The following CHST11 variants were observed in gnomAD, a reference collection of about 807,000 sequenced individuals.
CHST11 encodes carbohydrate sulfotransferase 11.
A neutral mutation model predicts 30.4 loss-of-function variants in CHST11; 9 were observed. The observed-to-expected ratio is 0.30, with a 90% confidence interval of 0.18 to 0.52. The LOEUF (loss-of-function observed/expected upper bound fraction) is 0.52. CHST11 is among the 20% of genes least tolerant of loss of function. The probability of loss-of-function intolerance (pLI) is 0.97; values close to 1 mark genes in which losing one functional copy is unlikely to be tolerated. For synonymous variants in CHST11, 152 were observed against 187.8 expected (o/e 0.81, Z 1.56); for missense variants, 348 against 460.6 (o/e 0.76, Z 2.24).
At position 104,476,357 on chromosome 12, in the gene CHST11, A is replaced by C. The variant is rs374331431; in HGVS notation, c.118+18828A>C. ...ATATACACATATATGTAAGATATGT[A>C]ATATATGTGTGTATATATATTTACA... On this transcript the variant is annotated intron_variant, in intron 1 of 2. Coordinates refer to ENST00000303694, the MANE Select transcript of CHST11 (RefSeq NM_018413.6). 1.3e-4 allele frequency among the ~76,000 whole-genome samples: 19 copies of C among 151,632 alleles called. No homozygotes were observed. In the East Asian group the frequency reaches 3.1e-3, roughly 25 times the overall value.
intron 2 of CHST11, among the ~76,000 whole-genome samples, chr12:104,639,309 A>G (rs1033652714): frequency 6.6e-6 from 1 of 152,226 alleles, no homozygotes; most frequent in African/African-American, 2.4e-5. Flanking sequence ...GTCACAGCCC[A>G]AGGACTATAT....
chr12:104,631,531 G>T (rs1490458364), intron 2 of CHST11, among the ~76,000 whole-genome samples: 1 of 152,114 alleles, frequency 6.6e-6, no homozygotes, highest in Non-Finnish European at 1.5e-5. Flanking sequence ...AGGCTGGGAA[G>T]TTACCTCTTC....
chr12:104,701,781 C>T (rs969556739), intron 2 of CHST11, among the ~76,000 whole-genome samples: 1 of 152,156 alleles, frequency 6.6e-6, no homozygotes, highest in African/African-American at 2.4e-5. Flanking sequence ...CTGCCCCAGG[C>T]CGGTCTGTGT....
chr12:104,628,383 A>G (rs2039239312), intron 2 of CHST11, among the ~76,000 whole-genome samples: 1 of 152,212 alleles, frequency 6.6e-6, no homozygotes, highest in African/African-American at 2.4e-5. Flanking sequence ...CAAGAGAAGA[A>G]AAAGGGCAAA....
At chr12:104,479,722 A>G (rs1365043824) in intron 1 of CHST11, among the ~76,000 whole-genome samples, 2 of 152,190 alleles carry the variant, frequency 1.3e-5, no homozygotes, top group Admixed American at 6.5e-5. Context: ...AGGAAAACCT[A>G]TTTGGACTGA....
At chr12:104,602,580 T>C (rs2038967244) in intron 2 of CHST11, among the ~76,000 whole-genome samples, 1 of 152,220 alleles carries the variant, frequency 6.6e-6, no homozygotes, top group African/African-American at 2.4e-5. Context: ...AAAAGTGTCT[T>C]CTGTGGAAAG....
intron 1 of CHST11, among the ~76,000 whole-genome samples, chr12:104,565,992 C>G (rs1347935839): frequency 6.6e-6 from 1 of 152,208 alleles, no homozygotes; most frequent in Non-Finnish European, 1.5e-5. Flanking sequence ...CACATTCTCA[C>G]TCCTTTGTGC....
At chr12:104,709,032 T>C (rs2040061551) in intron 2 of CHST11, among the ~76,000 whole-genome samples, 1 of 152,196 alleles carries the variant, frequency 6.6e-6, no homozygotes. Flanking sequence ...CATGTTCACA[T>C]AGGGCACCCG....
chr12:104,518,739 T>C (rs1287051119), intron 1 of CHST11, among the ~76,000 whole-genome samples: 1 of 152,210 alleles, frequency 6.6e-6, no homozygotes, highest in Non-Finnish European at 1.5e-5. Flanking sequence ...ATAGTCAACA[T>C]GCAGTCTTCC....
At chr12:104,574,136 A>C (rs2038658565) in intron 1 of CHST11, among the ~76,000 whole-genome samples, 2 of 152,242 alleles carry the variant, frequency 1.3e-5, no homozygotes, top group South Asian at 4.1e-4. Context: ...GCCATCAGAG[A>C]AATGCAAATC....
At chr12:104,610,041 CTCTGTGTGTGTGTGTGTGTG>C (rs2039043547) in intron 2 of CHST11, among the ~76,000 whole-genome samples, 1 of 120,442 alleles carries the variant, frequency 8.3e-6, no homozygotes. Flanking sequence ...CCATGAGTGC[CTCTGTGTGTGTGTGTGTGTG>C]TGTGTGTGTG....
chr12:104,620,178 A>G (rs1419661309), intron 2 of CHST11, among the ~76,000 whole-genome samples: 2 of 152,182 alleles, frequency 1.3e-5, no homozygotes, highest in Admixed American at 1.3e-4. Flanking sequence ...TGGCTCCCAA[A>G]TGGTGCCCCC....
intron 1 of CHST11, among the ~76,000 whole-genome samples, chr12:104,481,987 G>A (rs1216629899): frequency 4.0e-5 from 6 of 151,444 alleles, no homozygotes; most frequent in Non-Finnish European, 7.4e-5. Flanking sequence ...ACAGGAACCC[G>A]CCACAATGCC....
At chr12:104,578,999 A>G (rs1216748282) in intron 1 of CHST11, among the ~76,000 whole-genome samples, 1 of 152,260 alleles carries the variant, frequency 6.6e-6, no homozygotes, top group Non-Finnish European at 1.5e-5. Context: ...AGTAGCAACA[A>G]AAAGCAACTT....
chr12:104,703,429 C>T (rs936843236), intron 2 of CHST11, among the ~76,000 whole-genome samples: 2 of 152,198 alleles, frequency 1.3e-5, no homozygotes, highest in African/African-American at 2.4e-5. Context: ...TTCCATGCCA[C>T]ACGTTTAGCC....
At chr12:104,640,788 G>A (rs1016645916) in intron 2 of CHST11, among the ~76,000 whole-genome samples, 2 of 152,204 alleles carry the variant, frequency 1.3e-5, no homozygotes, top group African/African-American at 4.8e-5. Flanking sequence ...ACCAATGCAA[G>A]ATATTAATGA....
intron 2 of CHST11, among the ~76,000 whole-genome samples, chr12:104,648,762 C>T (rs374987290): frequency 8.6e-5 from 13 of 150,914 alleles, no homozygotes; most frequent in Admixed American, 2.0e-4. Context: ...TGCAGTGAGC[C>T]GAGATCACAC....
At chr12:104,563,701 G>T (rs970863842) in intron 1 of CHST11, among the ~76,000 whole-genome samples, 1 of 151,936 alleles carries the variant, frequency 6.6e-6, no homozygotes, top group African/African-American at 2.4e-5. Context: ...TCTTCCATGG[G>T]GTAGACTGTT....
intron 2 of CHST11, among the ~76,000 whole-genome samples, chr12:104,718,686 C>T (rs546181647): frequency 3.5e-4 from 53 of 152,244 alleles, no homozygotes; most frequent in African/African-American, 1.2e-3. Context: ...AAATTGGGGG[C>T]GTCTCCTCCC....
Sources: gnomAD v4.1 joint callset for allele counts (sites outside exome capture counted in the v4.1 genomes callset) on GRCh38, gnomAD v4.1.1 for gene constraint, MANE v1.5 for transcripts, NCBI Gene and HGNC (gene_info 2026-07-23, HGNC 2026-07-21) for gene names.